The following TRPC4AP variants were observed in gnomAD, a reference collection of about 807,000 sequenced individuals.
TRPC4AP encodes the protein transient receptor potential cation channel subfamily C member 4 associated protein.
Under a neutral mutation model 99.0 loss-of-function variants are expected in TRPC4AP, and 45 were observed. The observed-to-expected ratio is 0.45, with a 90% confidence interval of 0.36 to 0.58. The LOEUF (loss-of-function observed/expected upper bound fraction) is 0.58, where lower values mean the gene tolerates loss of function less well. Ranked by LOEUF, TRPC4AP falls within the 20% of genes least tolerant of loss-of-function variation. TRPC4AP has a pLI of 0.00. For missense variants in TRPC4AP, 879 were observed against 985.3 expected (o/e 0.89, Z 1.44); for synonymous variants, 408 against 385.8 (o/e 1.06, Z -0.67).
chr20:35,085,609 TA>T (rs71196788), intron 1 of TRPC4AP, among the ~76,000 whole-genome samples: 128 of 137,552 alleles, frequency 9.3e-4, no homozygotes, highest in Non-Finnish European at 9.5e-4. Flanking sequence ...AGACCCTGTC[TA>T]AAAAAAAAAA....
At chr20:35,074,202 G>C (rs2084406113) in intron 2 of TRPC4AP, among the ~76,000 whole-genome samples, 1 of 151,850 alleles carries the variant, frequency 6.6e-6, no homozygotes, top group African/African-American at 2.4e-5. Context: ...CAATTTTGTT[G>C]ATCTTTTCGA....
intron 8 of TRPC4AP, among the ~76,000 whole-genome samples, chr20:35,024,772 G>A (rs1401109440): frequency 1.5e-5 from 2 of 133,642 alleles, no homozygotes; most frequent in Non-Finnish European, 3.1e-5. Flanking sequence ...GGGCTGCAAT[G>A]AGCTGTGATC....
At chr20:35,064,173 T>C (rs1200138201) in intron 3 of TRPC4AP, among the ~76,000 whole-genome samples, 1 of 152,214 alleles carries the variant, frequency 6.6e-6, no homozygotes, top group Non-Finnish European at 1.5e-5. Flanking sequence ...CCTATATACG[T>C]ATGTATTTTT....
At chr20:35,058,302 T>G (rs188399451) in intron 3 of TRPC4AP, among the ~76,000 whole-genome samples, 6 of 152,282 alleles carry the variant, frequency 3.9e-5, no homozygotes, top group Admixed American at 1.3e-4. Context: ...AACGAACACA[T>G]ATATTCTAAC....
chr20:35,063,539 CTT>C (rs1039485174), intron 3 of TRPC4AP, among the ~76,000 whole-genome samples: 17 of 152,080 alleles, frequency 1.1e-4, no homozygotes, highest in African/African-American at 4.1e-4. Context: ...CAAGAATTAA[CTT>C]TATGTAAATT....
At chr20:35,084,621 T>C (rs1421470252) in intron 1 of TRPC4AP, among the ~76,000 whole-genome samples, 3 of 120,946 alleles carry the variant, frequency 2.5e-5, no homozygotes, top group Non-Finnish European at 5.2e-5. Flanking sequence ...TATATGTTTA[T>C]ATGCATATAT....
intron 6 of TRPC4AP, among the ~76,000 whole-genome samples, chr20:35,046,375 C>CA (rs1371962234): frequency 1.3e-5 from 2 of 152,212 alleles, no homozygotes; most frequent in Non-Finnish European, 2.9e-5. Context: ...CCGTGCTACT[C>CA]AGATAACACC....
rs777066750 is a variant in TRPC4AP, at chr20:35,003,466, G to A, written c.2200C>T (p.Arg734Cys). The change falls in exon 18 of 19, where the codon CGC (arginine) becomes TGC (cysteine). Residue 734 changes from arginine to cysteine, a missense_variant. By Grantham distance (180) the Arg-to-Cys change is radical. Around this residue, in one of 3 missense-constraint regions of TRPC4AP, gnomAD observed 224 missense variants for 264.7 expected, o/e 0.85. Coordinates refer to ENST00000252015, the MANE Select transcript of TRPC4AP (RefSeq NM_015638.3). ...TGCAGGTAGTGCTGCTGCCAGAAGC[G>A]CAGCAGGTTGTGGAAGTTGTTGAGC... ...FLLNNFHNLL[R>C]FWQQHYLHKD... 1.1e-5 allele frequency: 17 copies of A among 1,614,146 alleles called. No homozygotes were observed. The highest frequency in any genetic ancestry group is 4.4e-5 in the South Asian group (4 of 91,082).
chr20:35,003,546 A>AG lies in TRPC4AP; in HGVS notation c.2119dup (p.Leu707ProfsTer75). 6.2e-7 allele frequency: 1 copy of AG among 1,613,470 alleles called. No homozygotes were observed. The highest frequency in any genetic ancestry group is 1.1e-5 in the South Asian group (1 of 91,084). On this transcript the variant is annotated frameshift_variant, in exon 18 of 19. Transcript: ENST00000252015. LOFTEE classifies it high-confidence loss of function. ...CATCCGCTGCAGCAGCCGCAGGTAC[A>AG]GGGGCAGCCGCTCTTTCCGTCGGGC...
intron 2 of TRPC4AP, among the ~76,000 whole-genome samples, chr20:35,077,542 T>A (rs2084515032): frequency 6.6e-6 from 1 of 152,212 alleles, no homozygotes; most frequent in African/African-American, 2.4e-5. Flanking sequence ...TTTAACACGC[T>A]CTTCAGGTGA....
chr20:35,039,127 C>T (rs2083391645), intron 7 of TRPC4AP, among the ~76,000 whole-genome samples: 1 of 152,158 alleles, frequency 6.6e-6, no homozygotes, highest in South Asian at 2.1e-4. Flanking sequence ...TTGTATTCTA[C>T]ATGAAAATCT....
intron 8 of TRPC4AP, among the ~76,000 whole-genome samples, chr20:35,021,694 T>C (rs910192939): frequency 6.6e-6 from 1 of 152,206 alleles, no homozygotes; most frequent in Non-Finnish European, 1.5e-5. Context: ...CAGGCAGATG[T>C]ATGACAGCAA....
At chr20:35,059,109 A>G (rs1254817251) in intron 3 of TRPC4AP, among the ~76,000 whole-genome samples, 1 of 152,238 alleles carries the variant, frequency 6.6e-6, no homozygotes, top group Non-Finnish European at 1.5e-5. Context: ...AACAGAGAAT[A>G]GAAAATAACA....
chr20:35,078,269 GACAGTT>G, intron 1 of TRPC4AP, 95 bp from the exon 2 acceptor site: 1 of 1,347,970 alleles, frequency 7.4e-7, no homozygotes, highest in Non-Finnish European at 1.0e-6. Flanking sequence ...ACCCACCCAG[GACAGTT>G]ACAAATTTAT....
At chr20:35,040,369 A>C (rs2083419698) in intron 7 of TRPC4AP, among the ~76,000 whole-genome samples, 1 of 152,102 alleles carries the variant, frequency 6.6e-6, no homozygotes. Flanking sequence ...GCGATGGAGG[A>C]AAACAAAAAG....
At chr20:35,084,530 G>GCA (rs1446594799) in intron 1 of TRPC4AP, among the ~76,000 whole-genome samples, 30 of 145,204 alleles carry the variant, frequency 2.1e-4, no homozygotes, top group African/African-American at 7.1e-4. Flanking sequence ...GTGTATATAT[G>GCA]TATATATGTA....
chr20:35,012,210 G>C (rs2082653949), intron 11 of TRPC4AP, among the ~76,000 whole-genome samples: 2 of 152,250 alleles, frequency 1.3e-5, no homozygotes, highest in South Asian at 4.1e-4. Context: ...GCATATGATG[G>C]AGGTGCCCTG....
intron 7 of TRPC4AP, among the ~76,000 whole-genome samples, chr20:35,037,398 G>C (rs994312889): frequency 2.0e-5 from 3 of 146,952 alleles, no homozygotes; most frequent in Admixed American, 1.3e-4. Flanking sequence ...ATATGACCCA[G>C]CAATTTCACT....
At position 35,024,929 on chromosome 20, in the gene TRPC4AP, A is replaced by G. The variant is rs569304757; in HGVS notation, c.1052-3573T>C. 2.7e-4 allele frequency among the ~76,000 whole-genome samples: 40 copies of G among 148,816 alleles called. 2 individuals carry two copies. In the South Asian group the frequency reaches 8.6e-3, roughly 32 times the overall value. ...TTTTGGCTGTTATGAATATGCTGTG[A>G]TGAACATACCTGAACAAATTTTTGT... On this transcript the variant is annotated intron_variant, in intron 8 of 18. Coordinates refer to ENST00000252015, the MANE Select transcript of TRPC4AP (RefSeq NM_015638.3).
Sources: allele counts gnomAD v4.1 joint callset (sites outside exome capture counted in the v4.1 genomes callset), GRCh38; gene constraint gnomAD v4.1.1; regional missense constraint gnomAD v4.1.1; transcripts MANE v1.5; gene names NCBI Gene and HGNC (gene_info 2026-07-23, HGNC 2026-07-21).